Variants in SCEL observed in about 807,000 individuals in gnomAD.
The protein encoded by SCEL is sciellin.
Under a neutral mutation model 117.6 loss-of-function variants are expected in SCEL, and 113 were observed. The observed-to-expected ratio is 0.96, with a 90% CI of 0.83 to 1.12. The LOEUF is 1.12. Ranked by LOEUF, SCEL falls within the 50% of genes most tolerant of loss-of-function variation. The pLI is 0.00. For synonymous variants in SCEL, 270 were observed against 256.2 expected (o/e 1.05, Z -0.51); for missense variants, 785 against 810.8 (o/e 0.97, Z 0.39).
At chr13:77,609,522 C>A (rs1207390643) in intron 21 of SCEL, among the ~76,000 whole-genome samples, 2 of 152,186 alleles carry the variant, frequency 1.3e-5, no homozygotes, top group African/African-American at 2.4e-5. Flanking sequence ...AGTTTCTCAT[C>A]CTCAAAGTGA....
intron 27 of SCEL, among the ~76,000 whole-genome samples, chr13:77,621,472 C>T (rs1413020021): frequency 2.6e-5 from 4 of 152,168 alleles, no homozygotes; most frequent in Non-Finnish European, 4.4e-5. Context: ...TGGGAAGCCC[C>T]CCTGACCCAC....
intron 9 of SCEL, among the ~76,000 whole-genome samples, chr13:77,579,441 C>G (rs1351056487): frequency 6.6e-6 from 1 of 152,164 alleles, no homozygotes; most frequent in Non-Finnish European, 1.5e-5. Context: ...TCTTATTTGT[C>G]TTTTTGTAGT....
In SCEL at chr13:77,644,405, G is replaced by T; in HGVS notation, c.*131G>T. ...ACTCTTGTACAAAATTAACAATTCT[G>T]TTATTGCATAAGTAATCTAATTGTC... On this transcript the variant is annotated 3_prime_UTR_variant, in exon 33 of 33. Coordinates refer to ENST00000349847, the MANE Select transcript of SCEL (RefSeq NM_144777.3). 1.1e-6 allele frequency: 1 copy of T among 876,254 alleles called. No homozygotes were observed. Among genetic ancestry groups the T allele is most frequent in the African/African-American group, 1.7e-5 (1 of 58,708 alleles). The allele number at this position is 876,254 out of a possible 1,614,324, so 54.3% of individuals were successfully genotyped here.
chr13:77,562,198 A>G (rs2085022078), intron 4 of SCEL, among the ~76,000 whole-genome samples: 1 of 152,108 alleles, frequency 6.6e-6, no homozygotes. Context: ...GAGAGAATGA[A>G]AATAACATGT....
At chr13:77,568,193 C>A in intron 6 of SCEL, 102 bp from the exon 7 acceptor site, 1 of 700,118 alleles carries the variant, frequency 1.4e-6, no homozygotes, top group Non-Finnish European at 2.5e-6. Flanking sequence ...CTTTCTCTCA[C>A]CAGTGTCTAA....
intron 1 of SCEL, among the ~76,000 whole-genome samples, chr13:77,555,124 G>A (rs1304354643): frequency 6.6e-6 from 1 of 152,170 alleles, no homozygotes; most frequent in Non-Finnish European, 1.5e-5. Flanking sequence ...ATTTGTGTGT[G>A]TGTGTATGTC....
rs141360142 is a variant in SCEL, at chr13:77,605,132, T to A, written c.1157+717T>A. ...ATTTTTGAAACTGAATTTGTTGGCATGTTGCTGGAAACAGTAACAAACAAT... is the reference window on the plus strand; with the variant it reads ...ATTTTTGAAACTGAATTTGTTGGCAAGTTGCTGGAAACAGTAACAAACAAT... On this transcript the variant is annotated intron_variant, in intron 19 of 32. Transcript: ENST00000349847. Among the ~76,000 whole-genome samples, 1,406 of 152,374 alleles carry A rather than the reference T, an allele frequency of 9.2e-3. 28 individuals carry two copies. Among genetic ancestry groups the A allele is most frequent in the African/African-American group, 0.031 (1,301 of 41,586 alleles).
intron 23 of SCEL, among the ~76,000 whole-genome samples, chr13:77,613,182 C>T (rs962736406): frequency 1.3e-5 from 2 of 151,880 alleles, no homozygotes; most frequent in African/African-American, 4.8e-5. Flanking sequence ...TTTAGAAATT[C>T]CTTTGACACA....
Position 77,609,108 on chromosome 13 carries a change from G to A in SCEL, c.1268G>A (p.Ser423Asn). ...FIKVYPGTEK[S>N]TEGGQSLDSL... The stretch of plus-strand genomic sequence containing the variant: ...AAAGTGTATCCAGGAACAGAAAAAA[G>A]TACTGAAGGGTAAGATTTAATAAGC... The change falls in exon 21 of 33, where the codon AGT becomes AAT. Residue 423 changes from serine (S) to asparagine (N), a missense_variant. Transcript: ENST00000349847. 1 of 1,597,096 alleles carries A rather than the reference G, an allele frequency of 6.3e-7. No individual in the cohort carries two copies. Among genetic ancestry groups the A allele is most frequent in the African/African-American group, 1.4e-5 (1 of 73,904 alleles).
At chr13:77,553,622 C>G (rs990146419) in intron 1 of SCEL, among the ~76,000 whole-genome samples, 5 of 152,010 alleles carry the variant, frequency 3.3e-5, no homozygotes, top group African/African-American at 1.2e-4. Context: ...GCCAGGGGAT[C>G]CCTGACACTC....
chr13:77,623,495 C>T (rs1327597842), intron 27 of SCEL: 3 of 152,070 alleles, frequency 2.0e-5, no homozygotes, highest in Admixed American at 2.0e-4. Context: ...ATAAATATTA[C>T]TCTACCAAAC....
intron 1 of SCEL, among the ~76,000 whole-genome samples, chr13:77,544,251 G>T (rs1029860994): frequency 6.6e-6 from 1 of 152,004 alleles, no homozygotes; most frequent in African/African-American, 2.4e-5. Flanking sequence ...ACTTTCTGCT[G>T]CACATCTTTT....
In SCEL at chr13:77,634,417, C is replaced by A. The variant is rs148317136; in HGVS notation, c.1730C>A (p.Thr577Asn). The A allele has an allele frequency of 6.7e-5, 108 of 1,613,250 alleles. 1 individual carries two copies. The African/African-American group carries it at 1.4e-3, about 22-fold the overall frequency. ...TGAKQAGPQD[T>N]VVYTRTYVEN... ...GCCAAGCAGGCAGGACCACAGGATA[C>A]TGTTGTGTACACAAGGACATATGTG... Residue 577 changes from threonine to asparagine, a missense_variant, in exon 29 of 33, where the codon ACT becomes AAT. Physicochemically the swap from Thr to Asn is moderately conservative, Grantham distance 65. Transcript: ENST00000349847.
At chr13:77,608,967 T>C in intron 20 of SCEL, 91 bp from the exon 21 acceptor site, 1 of 1,050,878 alleles carries the variant, frequency 9.5e-7, no homozygotes, top group Non-Finnish European at 1.4e-6. Context: ...GTAGTAAAAT[T>C]TATCTTGAGT....
At chr13:77,582,089 A>G (rs2086292629) in intron 9 of SCEL, among the ~76,000 whole-genome samples, 1 of 152,148 alleles carries the variant, frequency 6.6e-6, no homozygotes, top group African/African-American at 2.4e-5. Context: ...TAGGCAGCCC[A>G]TCTTTGTCCT....
In SCEL at chr13:77,599,329, G is replaced by A. The variant is rs2087477724; in HGVS notation, c.798G>A (p.Arg266=). ...CTTTTTTAAATCAATACATTTAAAG[G>A]AATCAAGGTCTTGATAGTCTCTTCA... is the stretch of plus-strand genomic sequence containing the variant. ...NLIKMNKSLN[R]NQGLDSLFRA... Residue 266 remains arginine, a splice_region_variant and synonymous_variant, in exon 14 of 33, where the codon AGG becomes AGA. Transcript: ENST00000349847. 1.2e-6 allele frequency: 2 copies of A among 1,609,150 alleles called. No individual in the cohort carries two copies. Among genetic ancestry groups the A allele is most frequent in the Non-Finnish European group, 1.7e-6 (2 of 1,176,550 alleles).
chr13:77,607,175 A>T (rs79503429), intron 19 of SCEL, among the ~76,000 whole-genome samples: 14,572 of 152,010 alleles, frequency 0.096, 948 homozygotes, highest in Non-Finnish European at 0.15. Context: ...GAGCCACATG[A>T]GTAGCTGGAG....
chr13:77,603,004 G>A, intron 17 of SCEL, 72 bp from the exon 18 acceptor site: 1 of 831,724 alleles, frequency 1.2e-6, no homozygotes, highest in Non-Finnish European at 1.9e-6. Flanking sequence ...TTAATCATTG[G>A]GAATACAGAA....
chr13:77,617,837 C>G lies in SCEL; in HGVS notation c.1546C>G (p.Pro516Ala). The stretch of plus-strand genomic sequence containing the variant: ...TCTTGCTAACCTCATCAAAGTAAAT[C>G]CTGCAGTAATCAGAAACAATCAGAG... ...QDLANLIKVNPAVIRNNQSQD... is the reference protein window; with the variant it reads ...QDLANLIKVNAAVIRNNQSQD... Residue 516 changes from proline (P) to alanine (A), a missense_variant, in exon 26 of 33, where the codon CCT becomes GCT. Coordinates refer to ENST00000349847, the MANE Select transcript of SCEL (RefSeq NM_144777.3). 6.2e-7 allele frequency: 1 copy of G among 1,611,190 alleles called. No individual in the cohort carries two copies. Among genetic ancestry groups the G allele is most frequent in the African/African-American group, 1.3e-5 (1 of 74,934 alleles).
Sources: allele counts gnomAD v4.1 joint callset (sites outside exome capture counted in the v4.1 genomes callset), GRCh38; gene constraint gnomAD v4.1.1; transcripts MANE v1.5; gene names NCBI Gene and HGNC (gene_info 2026-07-23, HGNC 2026-07-21).